The following EPHA6 variants were observed in gnomAD, a reference collection of about 807,000 sequenced individuals.
The protein encoded by EPHA6 is EPH receptor A6.
Under a neutral mutation model 112.0 loss-of-function variants are expected in EPHA6, and 50 were observed. The ratio of observed to expected loss-of-function variants is 0.45; its 90% CI spans 0.36 to 0.56. The LOEUF is 0.56. Ranked by LOEUF, EPHA6 falls within the 20% of genes least tolerant of loss-of-function variation. The pLI, the probability that EPHA6 is intolerant of heterozygous loss-of-function variation, is 0.00. For synonymous variants in EPHA6, 529 were observed against 490.7 expected (o/e 1.08, Z -1.03); for missense variants, 1,280 against 1,417.4 (o/e 0.90, Z 1.56).
intron 6 of EPHA6, among the ~76,000 whole-genome samples, chr3:97,410,640 A>G (rs944929358): frequency 6.6e-6 from 1 of 152,078 alleles, no homozygotes; most frequent in South Asian, 2.1e-4. Context: ...GAAAGTGTAT[A>G]TGGATCACAT....
At chr3:97,425,533 G>C (rs2089044286) in intron 6 of EPHA6, among the ~76,000 whole-genome samples, 1 of 152,196 alleles carries the variant, frequency 6.6e-6, no homozygotes, top group South Asian at 2.1e-4. Context: ...GTGCACAGCA[G>C]AGGGGCCCTG....
intron 1 of EPHA6, among the ~76,000 whole-genome samples, chr3:96,838,112 A>G (rs1328435752): frequency 6.7e-6 from 1 of 148,958 alleles, no homozygotes; most frequent in Non-Finnish European, 1.5e-5. Flanking sequence ...ATATGTTTAC[A>G]TCATTCAGCT....
chr3:97,205,418 A>AT (rs1170559760), intron 3 of EPHA6, among the ~76,000 whole-genome samples: 10 of 152,060 alleles, frequency 6.6e-5, no homozygotes, highest in African/African-American at 1.7e-4. Flanking sequence ...TTTAAATTCG[A>AT]TTTTTTGGGA....
chr3:97,364,684 A>G (rs1024795489), intron 5 of EPHA6, among the ~76,000 whole-genome samples: 1 of 152,058 alleles, frequency 6.6e-6, no homozygotes, highest in African/African-American at 2.4e-5. Context: ...AGCAAAATCA[A>G]AGGGAACAAT....
Position 97,065,039 on chromosome 3 carries a change from C to T in EPHA6, c.1114+77046C>T, listed in dbSNP as rs1267121784. Among the ~76,000 whole-genome samples, 3 of 151,908 alleles carry T rather than the reference C, an allele frequency of 2.0e-5. No homozygotes were observed. The East Asian group carries it at 5.8e-4, about 29-fold the overall frequency. ...ATTTGGGTTTTGAAAAATTTGCTGC[C>T]GATAGAAAATATATATCTGCTATGA... On this transcript the variant is annotated intron_variant, in intron 3 of 17. Transcript: ENST00000389672.
chr3:97,543,957 G>A (rs1460507401), intron 11 of EPHA6, among the ~76,000 whole-genome samples: 2 of 152,184 alleles, frequency 1.3e-5, no homozygotes. Flanking sequence ...CTGAGACTTT[G>A]CTGAAGTTGC....
intron 5 of EPHA6, among the ~76,000 whole-genome samples, chr3:97,324,415 T>TTCTTTC (rs1190715909): frequency 7.5e-6 from 1 of 134,048 alleles, no homozygotes; most frequent in African/African-American, 2.8e-5. Flanking sequence ...TTTTCTTTCT[T>TTCTTTC]TCTTTCTTTC....
intron 1 of EPHA6, among the ~76,000 whole-genome samples, chr3:96,852,496 A>C (rs2035452769): frequency 6.6e-6 from 1 of 151,956 alleles, no homozygotes; most frequent in Non-Finnish European, 1.5e-5. Context: ...TTGTCTCCAT[A>C]AGTTCCTTTA....
intron 14 of EPHA6, among the ~76,000 whole-genome samples, chr3:97,677,379 G>A (rs1458012043): frequency 6.6e-6 from 1 of 152,076 alleles, no homozygotes; most frequent in Non-Finnish European, 1.5e-5. Context: ...CCTGGATTTG[G>A]TGGAGCTAAA....
At chr3:97,705,555 G>C (rs1330355047) in intron 14 of EPHA6, among the ~76,000 whole-genome samples, 1 of 152,038 alleles carries the variant, frequency 6.6e-6, no homozygotes. Flanking sequence ...AAACATCAAA[G>C]AACCAAGCAA....
At chr3:97,293,080 G>C (rs993471973) in intron 5 of EPHA6, among the ~76,000 whole-genome samples, 1 of 151,946 alleles carries the variant, frequency 6.6e-6, no homozygotes, top group Non-Finnish European at 1.5e-5. Context: ...CCTTTTCACA[G>C]GCAGGGCATG....
At chr3:97,395,576 G>C (rs1006464634) in intron 5 of EPHA6, among the ~76,000 whole-genome samples, 7 of 151,716 alleles carry the variant, frequency 4.6e-5, no homozygotes, top group Non-Finnish European at 8.8e-5. Context: ...TTTGTAAAGA[G>C]AAAGGAAAAA....
In EPHA6 at chr3:97,610,844, C is replaced by A; in HGVS notation, c.2564C>A (p.Ser855Tyr). 1 of 1,611,100 alleles carries A rather than the reference C, an allele frequency of 6.2e-7. No homozygotes were observed. The highest frequency in any genetic ancestry group is 8.5e-7 in the Non-Finnish European group (1 of 1,178,050). ...TATATGGAGAATGGATCCCTAGACT[C>A]CTTTTTGCGGGTGAGGTGTTCTTTT... ...VEYMENGSLD[S>Y]FLRKHDGHFT... is the part of the protein sequence containing the mutation. Residue 855 changes from serine to tyrosine, a missense_variant, in exon 13 of 18, where the codon TCC (serine) becomes TAC (tyrosine). Physicochemically the swap from Ser to Tyr is moderately radical, Grantham distance 144. Transcript: ENST00000389672.
chr3:96,956,134 A>G (rs577028272), intron 2 of EPHA6, among the ~76,000 whole-genome samples: 1 of 152,224 alleles, frequency 6.6e-6, no homozygotes, highest in Non-Finnish European at 1.5e-5. Context: ...ATTTTAGAGC[A>G]TCATTTAGTA....
chr3:97,473,875 C>A (rs2091297401), intron 7 of EPHA6, among the ~76,000 whole-genome samples: 1 of 151,968 alleles, frequency 6.6e-6, no homozygotes, highest in African/African-American at 2.4e-5. Flanking sequence ...TGAGTGAAAA[C>A]TTAACATTGT....
At position 96,814,815 on chromosome 3, in the gene EPHA6, C is replaced by T; in HGVS notation, c.192C>T (p.Asp64=). 6.3e-7 allele frequency: 1 copy of T among 1,596,220 alleles called. No individual in the cohort carries two copies. The highest frequency in any genetic ancestry group is 8.5e-7 in the Non-Finnish European group (1 of 1,170,610). Reference sequence around the variant, plus strand: ...AGGAAGAGGAGGAGGAGGAAGAAGACGTGGACAAGGACCCCCATCCTACCC... The same window carrying T: ...AGGAAGAGGAGGAGGAGGAAGAAGATGTGGACAAGGACCCCCATCCTACCC... ...VEEEEEEEEE[D]VDKDPHPTQN... is the part of the protein sequence containing the mutation. Residue 64 remains aspartate (D), a synonymous_variant, in exon 1 of 18, where the codon GAC becomes GAT. Coordinates refer to ENST00000389672, the MANE Select transcript of EPHA6 (RefSeq NM_001080448.3).
chr3:97,083,350 A>C (rs2046784199), intron 3 of EPHA6, among the ~76,000 whole-genome samples: 1 of 152,000 alleles, frequency 6.6e-6, no homozygotes, highest in South Asian at 2.1e-4. Flanking sequence ...TTTTAGGATT[A>C]AGACTACTTG....
At chr3:97,153,357 T>A (rs1323221237) in intron 3 of EPHA6, among the ~76,000 whole-genome samples, 1 of 152,144 alleles carries the variant, frequency 6.6e-6, no homozygotes, top group East Asian at 1.9e-4. Flanking sequence ...AAAAATCCAT[T>A]CCTTCCATTT....
intron 15 of EPHA6, among the ~76,000 whole-genome samples, chr3:97,725,047 G>A (rs1374496189): frequency 6.6e-6 from 1 of 152,020 alleles, no homozygotes; most frequent in Admixed American, 6.6e-5. Flanking sequence ...AGTAACATAA[G>A]CAAAAAGTAG....
Sources: gnomAD v4.1 joint callset for allele counts (sites outside exome capture counted in the v4.1 genomes callset) on GRCh38, gnomAD v4.1.1 for gene constraint, MANE v1.5 for transcripts, NCBI Gene and HGNC (gene_info 2026-07-23, HGNC 2026-07-21) for gene names.